Variants in LRP1B observed in about 807,000 individuals in gnomAD.
LRP1B encodes LDL receptor related protein 1B.
LRP1B carries 217 observed loss-of-function variants against 556.6 expected under a neutral mutation model. The observed-to-expected ratio is 0.39, with a 90% CI of 0.35 to 0.44. The LOEUF (loss-of-function observed/expected upper bound fraction) is 0.44. Ranked by LOEUF, LRP1B falls within the 20% of genes least tolerant of loss-of-function variation. The pLI, the probability that LRP1B is intolerant of heterozygous loss-of-function variation, is 1.00. For synonymous variants in LRP1B, 2,047 were observed against 1,865.8 expected, an observed-to-expected ratio of 1.10 and a Z score of -2.50; for missense variants, 5,053 against 5,620.8, an observed-to-expected ratio of 0.90 and a Z score of 3.23.
intron 3 of LRP1B, among the ~76,000 whole-genome samples, chr2:141,372,767 T>C (rs1689277984): frequency 6.6e-6 from 1 of 152,048 alleles, no homozygotes; most frequent in African/African-American, 2.4e-5. Context: ...TCTCTCTTCT[T>C]GGTTAGTCTA....
intron 41 of LRP1B, among the ~76,000 whole-genome samples, chr2:140,686,100 G>C (rs1358375177): frequency 1.3e-5 from 2 of 152,078 alleles, no homozygotes; most frequent in African/African-American, 4.8e-5. Flanking sequence ...TTAGTTACAG[G>C]AGTAAACATG....
At chr2:140,567,378 TG>T (rs1681166074) in intron 43 of LRP1B, among the ~76,000 whole-genome samples, 1 of 152,172 alleles carries the variant, frequency 6.6e-6, no homozygotes, top group Non-Finnish European at 1.5e-5. Context: ...AAGTTACCAC[TG>T]AGACCTATTG....
At chr2:140,472,231 A>G (rs1687799931) in intron 60 of LRP1B, among the ~76,000 whole-genome samples, 1 of 152,146 alleles carries the variant, frequency 6.6e-6, no homozygotes, top group Admixed American at 6.5e-5. Context: ...TGAATGAATG[A>G]ATGAATAAAT....
intron 11 of LRP1B, among the ~76,000 whole-genome samples, chr2:141,032,788 T>G (rs1698409285): frequency 6.9e-6 from 1 of 145,920 alleles, no homozygotes. Flanking sequence ...TTCTAAAATT[T>G]TAACGCAGGT....
chr2:141,369,027 A>G (rs77702887), intron 3 of LRP1B, among the ~76,000 whole-genome samples: 3,383 of 152,292 alleles, frequency 0.022, 128 homozygotes, highest in African/African-American at 0.078. Flanking sequence ...GCTTGGTAAT[A>G]TAAAAAGCAT....
At chr2:141,309,628 C>T (rs1040405548) in intron 3 of LRP1B, among the ~76,000 whole-genome samples, 3 of 152,100 alleles carry the variant, frequency 2.0e-5, no homozygotes, top group South Asian at 4.1e-4. Flanking sequence ...AAACCAAACA[C>T]CTCATATTCT....
intron 3 of LRP1B, among the ~76,000 whole-genome samples, chr2:141,294,913 TTGTTATTTA>T (rs1686124483): frequency 1.3e-5 from 2 of 152,074 alleles, no homozygotes; most frequent in African/African-American, 4.8e-5. Flanking sequence ...AAAAAATTGC[TTGTTATTTA>T]TTTAAAAAGG....
intron 35 of LRP1B, among the ~76,000 whole-genome samples, chr2:140,725,635 G>A (rs1687568647): frequency 6.6e-6 from 1 of 151,584 alleles, no homozygotes; most frequent in African/African-American, 2.4e-5. Flanking sequence ...GTATACATAT[G>A]TAACAAACCT....
intron 66 of LRP1B, among the ~76,000 whole-genome samples, chr2:140,391,666 T>TAAAAC (rs774502915): frequency 8.5e-5 from 13 of 152,090 alleles, no homozygotes; most frequent in Non-Finnish European, 1.5e-4. Context: ...GAATTGCCTG[T>TAAAAC]AAAACAAAAC....
chr2:140,472,435 A>C (rs1687808366), intron 60 of LRP1B, among the ~76,000 whole-genome samples: 1 of 152,052 alleles, frequency 6.6e-6, no homozygotes, highest in Non-Finnish European at 1.5e-5. Context: ...GATTAGGGAG[A>C]GGTTCATGTG....
intron 1 of LRP1B, among the ~76,000 whole-genome samples, chr2:142,036,330 T>A (rs988665306): frequency 1.3e-5 from 2 of 151,742 alleles, no homozygotes; most frequent in African/African-American, 4.8e-5. Context: ...AATTCTCAAA[T>A]AATAAGAAGA....
At chr2:141,885,388 C>T (rs564471577) in intron 1 of LRP1B, among the ~76,000 whole-genome samples, 34 of 152,146 alleles carry the variant, frequency 2.2e-4, no homozygotes, top group East Asian at 9.7e-4. Context: ...GATAAGAGTA[C>T]GTACATGATA....
In LRP1B at chr2:140,592,822, C is replaced by A. The variant is rs202088325; in HGVS notation, c.7194+5809G>T. 5.3e-5 allele frequency among the ~76,000 whole-genome samples: 8 copies of A among 152,088 alleles called. No homozygotes were observed. In the East Asian group the frequency reaches 1.4e-3, roughly 26 times the overall value. ...AAGTATGGTGGTTCAGGCTTGTAGTCCCAACTACTTAGGAGGCCAAAGTGG... is the reference window on the plus strand; with the variant it reads ...AAGTATGGTGGTTCAGGCTTGTAGTACCAACTACTTAGGAGGCCAAAGTGG... On this transcript the variant is annotated intron_variant, in intron 43 of 90. Transcript: ENST00000389484.
Position 140,231,670 on chromosome 2 carries a change from G to C in LRP1B, c.*1516C>G, listed in dbSNP as rs763289807. ...AAAGGCCTCAATATGGCAAAGTTTA[G>C]AAATAGGTAGTATGCATGCACATAG... On this transcript the variant is annotated 3_prime_UTR_variant, in exon 91 of 91. Transcript: ENST00000389484. The C allele has an allele frequency of 1.3e-5, 2 of 151,806 alleles. No individual in the cohort carries two copies. Among genetic ancestry groups the C allele is most frequent in the East Asian group, 3.9e-4 (2 of 5,094 alleles). The allele number at this position is 151,806 out of a possible 1,614,324, so 9.4% of individuals were successfully genotyped here. A position where few individuals can be genotyped will look rare whatever the true frequency, so the allele number is the denominator to read the frequency against.
chr2:140,297,184 G>A (rs1300891787), intron 84 of LRP1B, among the ~76,000 whole-genome samples: 1 of 152,092 alleles, frequency 6.6e-6, no homozygotes, highest in Non-Finnish European at 1.5e-5. Context: ...AGAAGCTGGG[G>A]GGATGTGCTA....
intron 7 of LRP1B, among the ~76,000 whole-genome samples, chr2:141,073,783 C>T (rs1340719645): frequency 6.6e-6 from 1 of 152,068 alleles, no homozygotes; most frequent in Admixed American, 6.6e-5. Flanking sequence ...ATACCTTCTA[C>T]TGTATCCTCT....
intron 41 of LRP1B, among the ~76,000 whole-genome samples, chr2:140,650,759 G>T (rs1047422867): frequency 1.3e-5 from 2 of 152,098 alleles, no homozygotes; most frequent in African/African-American, 4.8e-5. Flanking sequence ...AAATCTCAGG[G>T]GAAGTACAAA....
At chr2:141,923,435 A>ATT (rs1369916546) in intron 1 of LRP1B, among the ~76,000 whole-genome samples, 2 of 73,800 alleles carry the variant, frequency 2.7e-5, no homozygotes, top group South Asian at 6.7e-4. Context: ...TGACAAAGAG[A>ATT]TTATATATAT....
chr2:141,056,737 G>A (rs1699188526), intron 9 of LRP1B, among the ~76,000 whole-genome samples: 1 of 151,788 alleles, frequency 6.6e-6, no homozygotes, highest in Admixed American at 6.6e-5. Context: ...CCATAGTCAT[G>A]GCTTTAAATG....
Sources: allele counts gnomAD v4.1 joint callset (sites outside exome capture counted in the v4.1 genomes callset), GRCh38; gene constraint gnomAD v4.1.1; transcripts MANE v1.5; gene names NCBI Gene and HGNC (gene_info 2026-07-23, HGNC 2026-07-21).